Variants in SIK3 observed in about 807,000 individuals in gnomAD.
The protein encoded by SIK3 is serine/threonine-protein kinase SIK3.
A neutral mutation model predicts 144.2 loss-of-function variants in SIK3; 28 were observed. The ratio of observed to expected loss-of-function variants is 0.19; its 90% confidence interval spans 0.14 to 0.27. SIK3 has a LOEUF of 0.27. Among genes scored for constraint, SIK3 ranks in the 10% least tolerant of loss-of-function variants. The pLI, the probability that SIK3 is intolerant of heterozygous loss-of-function variation, is 1.00. For missense variants in SIK3, 1,319 were observed against 1,776.0 expected (o/e 0.74, Z 4.62); for synonymous variants, 686 against 676.3 (o/e 1.01, Z -0.22).
intron 4 of SIK3, among the ~76,000 whole-genome samples, chr11:116,919,770 A>C (rs951546714): frequency 2.6e-5 from 4 of 152,240 alleles, no homozygotes; most frequent in African/African-American, 9.6e-5. Flanking sequence ...ATAATCCATC[A>C]GTAAGAAAAT....
Position 116,873,604 on chromosome 11 carries a change from C to A in SIK3, c.1614G>T (p.Gln538His). The A allele has an allele frequency of 1.3e-6, 2 of 1,588,148 alleles. No homozygotes were observed. The highest frequency in any genetic ancestry group is 8.6e-7 in the Non-Finnish European group (1 of 1,168,982). The change falls in exon 13 of 25, where the codon CAG becomes CAT. Residue 538 changes from glutamine (Q) to histidine (H), a missense_variant. Physicochemically the swap from Gln to His is conservative, Grantham distance 24. Coordinates refer to ENST00000445177, the MANE Select transcript of SIK3 (RefSeq NM_001366686.3). Reference protein sequence around the residue: ...EQSLLQPPTLQLLNGMGPLGR... With the variant: ...EQSLLQPPTLHLLNGMGPLGR... The stretch of plus-strand genomic sequence containing the variant: ...CAAGGGGGCCCATTCCATTCAACAG[C>A]TGTAGCGTGGGCGGCTGTAGGAGAG...
intron 1 of SIK3, among the ~76,000 whole-genome samples, chr11:117,019,345 T>G (rs1352789578): frequency 1.3e-5 from 2 of 152,162 alleles, no homozygotes; most frequent in Non-Finnish European, 2.9e-5. Flanking sequence ...TTTTTTCAAT[T>G]GTAACATTTT....
At chr11:117,058,365 C>T (rs1385344927) in intron 1 of SIK3, among the ~76,000 whole-genome samples, 1 of 152,032 alleles carries the variant, frequency 6.6e-6, no homozygotes, top group East Asian at 1.9e-4. Context: ...GCTAAAAATA[C>T]AGAAAGTAGC....
chr11:117,097,826 C>G (rs1369836273), intron 1 of SIK3, among the ~76,000 whole-genome samples: 1 of 152,118 alleles, frequency 6.6e-6, no homozygotes, highest in Non-Finnish European at 1.5e-5. Flanking sequence ...AGTCTCCCGG[C>G]CCTCGGGGAG....
At chr11:116,900,704 T>C (rs1945685691) in intron 4 of SIK3, among the ~76,000 whole-genome samples, 1 of 152,198 alleles carries the variant, frequency 6.6e-6, no homozygotes, top group Non-Finnish European at 1.5e-5. Flanking sequence ...ATCACTCATT[T>C]TCAAGGCCCA....
In SIK3 at chr11:116,846,692, C is replaced by A; in HGVS notation, c.3953-139G>T. ...CCCAGCCCTGAATTCTAGCTCACAG[C>A]AGGCCCTCAAGGTGTTGAGTGACGA... is the stretch of plus-strand genomic sequence containing the variant. On this transcript the variant is annotated intron_variant, in intron 23 of 24. Coordinates refer to ENST00000445177, the MANE Select transcript of SIK3 (RefSeq NM_001366686.3). This position sits in a 1 kb window ranked among gnomAD's most constrained non-coding sequence, Gnocchi z 4.1. 4 of 935,948 alleles carry A rather than the reference C, an allele frequency of 4.3e-6. No individual in the cohort carries two copies. The highest frequency in any genetic ancestry group is 4.9e-6 in the Non-Finnish European group (3 of 618,284). The allele number at this position is 935,948 out of a possible 1,614,324, so 58.0% of individuals were successfully genotyped here. A position where few individuals can be genotyped will look rare whatever the true frequency, so the allele number is the denominator to read the frequency against.
chr11:116,921,356 T>C (rs1946961989), intron 4 of SIK3, among the ~76,000 whole-genome samples: 1 of 152,210 alleles, frequency 6.6e-6, no homozygotes, highest in Non-Finnish European at 1.5e-5. Context: ...AAAGATCTAA[T>C]GTTTGCTGCC....
intron 1 of SIK3, among the ~76,000 whole-genome samples, chr11:117,022,412 T>C (rs956751626): frequency 5.3e-5 from 8 of 152,172 alleles, no homozygotes; most frequent in Non-Finnish European, 1.0e-4. Flanking sequence ...GTAAACCCCA[T>C]ATAATTAAAA....
chr11:116,945,807 T>A (rs1402203403), intron 3 of SIK3, among the ~76,000 whole-genome samples: 2 of 152,196 alleles, frequency 1.3e-5, no homozygotes, highest in Non-Finnish European at 2.9e-5. Flanking sequence ...AACTGTTTCC[T>A]ATCTCTAAGG....
chr11:116,878,699 C>G (rs149742378), intron 6 of SIK3, among the ~76,000 whole-genome samples: 89 of 152,270 alleles, frequency 5.8e-4, no homozygotes, highest in Non-Finnish European at 7.5e-4. Context: ...CCTCTCTGAC[C>G]TGGTTTCCTG....
chr11:116,927,621 C>T (rs1404010372), intron 3 of SIK3, among the ~76,000 whole-genome samples: 1 of 152,196 alleles, frequency 6.6e-6, no homozygotes, highest in East Asian at 1.9e-4. Context: ...CACACTTGTA[C>T]TTTCATTAGG....
At chr11:117,010,860 C>T (rs1376163246) in intron 1 of SIK3, among the ~76,000 whole-genome samples, 2 of 152,146 alleles carry the variant, frequency 1.3e-5, no homozygotes, top group African/African-American at 2.4e-5. Flanking sequence ...TGGCTCATAC[C>T]TGTAATCCCA....
chr11:117,023,686 C>T (rs1231069623), intron 1 of SIK3, among the ~76,000 whole-genome samples: 1 of 143,720 alleles, frequency 7.0e-6, no homozygotes, highest in African/African-American at 2.6e-5. Flanking sequence ...TAACTTTTAT[C>T]TTTTTTTTGA....
At chr11:116,897,878 G>A (rs940333093) in intron 4 of SIK3, among the ~76,000 whole-genome samples, 11 of 149,178 alleles carry the variant, frequency 7.4e-5, no homozygotes, top group Middle Eastern at 3.3e-3. Flanking sequence ...GCAAGACTCC[G>A]TCTCCAAAAA....
chr11:116,952,196 G>T (rs940608697), intron 3 of SIK3, among the ~76,000 whole-genome samples: 1 of 152,016 alleles, frequency 6.6e-6, no homozygotes, highest in African/African-American at 2.4e-5. Context: ...TTGTAAAAAG[G>T]TATCTTCCAG....
rs147416752 is a variant in SIK3, at chr11:116,929,315, G to A, written c.455-1935C>T. Among the ~76,000 whole-genome samples the A allele has an allele frequency of 5.1e-3, 776 of 152,276 alleles. 6 individuals carry two copies. The highest frequency in any genetic ancestry group is 0.018 in the African/African-American group (735 of 41,542). On this transcript the variant is annotated intron_variant, in intron 3 of 24. Coordinates refer to ENST00000445177, the MANE Select transcript of SIK3 (RefSeq NM_001366686.3). ...GAGAAACATAAAAATAAACCCTTAT[G>A]AAGGTTTACCATCAGAAGCTCATTT... is the stretch of plus-strand genomic sequence containing the variant.
chr11:116,889,671 G>A (rs769271188), intron 6 of SIK3, among the ~76,000 whole-genome samples: 18 of 152,268 alleles, frequency 1.2e-4, no homozygotes, highest in Admixed American at 2.0e-4. Context: ...CGTGGTGGGC[G>A]GACTGCTTGA....
chr11:116,856,015 G>A (rs1411262237), intron 21 of SIK3, among the ~76,000 whole-genome samples: 1 of 152,098 alleles, frequency 6.6e-6, no homozygotes, highest in Non-Finnish European at 1.5e-5. Flanking sequence ...GGCTAACACG[G>A]TGAAACCCTG....
chr11:117,077,105 A>G (rs1197304261), intron 1 of SIK3, among the ~76,000 whole-genome samples: 2 of 152,226 alleles, frequency 1.3e-5, no homozygotes, highest in African/African-American at 2.4e-5. Flanking sequence ...ACTGTGAGCT[A>G]CAATCACACC....
Sources: allele counts gnomAD v4.1 joint callset (sites outside exome capture counted in the v4.1 genomes callset), GRCh38; gene constraint gnomAD v4.1.1; non-coding constraint Gnocchi (gnomAD v3.1); transcripts MANE v1.5; gene names NCBI Gene and HGNC (gene_info 2026-07-23, HGNC 2026-07-21).